The following ZMYND8 variants were observed in gnomAD, a reference collection of about 807,000 sequenced individuals.
The protein encoded by ZMYND8 is zinc finger MYND-type containing 8.
Under a neutral mutation model 140.8 loss-of-function variants are expected in ZMYND8, and 37 were observed. The ratio of observed to expected loss-of-function variants is 0.26; its 90% confidence interval spans 0.20 to 0.35. The LOEUF is 0.35. Among genes scored for constraint, ZMYND8 ranks in the 10% least tolerant of loss-of-function variants. The pLI is 1.00. For missense variants in ZMYND8, 1,068 were observed against 1,570.0 expected (o/e 0.68, Z 5.40); for synonymous variants, 592 against 597.1 (o/e 0.99, Z 0.12).
intron 21 of ZMYND8, among the ~76,000 whole-genome samples, chr20:47,219,943 A>G (rs1373496709): frequency 6.6e-6 from 1 of 152,182 alleles, no homozygotes; most frequent in Non-Finnish European, 1.5e-5. Flanking sequence ...AGAGAGAGAA[A>G]AAAAAAACTT....
chr20:47,280,511 G>A (rs933211287), intron 10 of ZMYND8, among the ~76,000 whole-genome samples: 1 of 152,164 alleles, frequency 6.6e-6, no homozygotes, highest in African/African-American at 2.4e-5. Context: ...GCTGTCTGAC[G>A]GGTGAGAGAT....
In ZMYND8 at chr20:47,276,578, C is replaced by A. The variant is rs746392190; in HGVS notation, c.1216G>T (p.Ala406Ser). The A allele has an allele frequency of 6.2e-7, 1 of 1,613,714 alleles. No individual in the cohort carries two copies. Among genetic ancestry groups the A allele is most frequent in the African/African-American group, 1.3e-5 (1 of 74,802 alleles). The change falls in exon 11 of 23, where the codon GCC becomes TCC. Residue 406 changes from alanine to serine, a missense_variant. Ala to Ser is a moderately conservative substitution (Grantham distance 99). This residue lies in a region of ZMYND8 where 49 missense variants were observed against 94.1 expected (regional missense o/e 0.52). Transcript: ENST00000471951. ...QMLLDPTNPS[A>S]GTAKIDKQEK... ...TGCTTGTCTATCTTGGCAGTGCCGG[C>A]GCTGGGGTTGGTGGGATCGAGCAGC... is the stretch of plus-strand genomic sequence containing the variant.
chr20:47,308,480 CA>C (rs769875199), intron 3 of ZMYND8, among the ~76,000 whole-genome samples: 11 of 152,122 alleles, frequency 7.2e-5, no homozygotes, highest in Non-Finnish European at 1.3e-4. Context: ...CTCGGCCTCC[CA>C]AAACGCTGGG....
At chr20:47,344,281 A>G (rs2082158298) in intron 2 of ZMYND8, among the ~76,000 whole-genome samples, 1 of 152,150 alleles carries the variant, frequency 6.6e-6, no homozygotes, top group African/African-American at 2.4e-5. Context: ...CAAGGCCAAC[A>G]GTGATAGATC....
chr20:47,314,721 C>T (rs907650790), intron 2 of ZMYND8, among the ~76,000 whole-genome samples: 1 of 152,160 alleles, frequency 6.6e-6, no homozygotes, highest in Non-Finnish European at 1.5e-5. Flanking sequence ...CGAGCCAGAG[C>T]CAATGGCCTC....
At chr20:47,256,547 G>A (rs888261912) in intron 12 of ZMYND8, among the ~76,000 whole-genome samples, 1 of 152,208 alleles carries the variant, frequency 6.6e-6, no homozygotes, top group Non-Finnish European at 1.5e-5. Context: ...GTGAACCCAG[G>A]AGGCGGAGCT....
chr20:47,287,093 G>C, intron 8 of ZMYND8, 136 bp downstream of exon 8: 1 of 682,852 alleles, frequency 1.5e-6, no homozygotes, highest in African/African-American at 1.8e-5. Context: ...TACTTTCCTT[G>C]AAGAGTAGGG....
Position 47,246,206 on chromosome 20 carries a change from A to G in ZMYND8, c.2086T>C (p.Ser696Pro). The change falls in exon 14 of 23, where the codon TCC becomes CCC. Residue 696 changes from serine (S) to proline (P), a missense_variant. By Grantham distance (74) the Ser-to-Pro change is moderately conservative. This residue lies in a region of ZMYND8 where 383 missense variants were observed against 431.2 expected (regional missense o/e 0.89). Coordinates refer to ENST00000471951, the MANE Select transcript of ZMYND8 (RefSeq NM_001281775.3). ...KASPEPEKDF[S>P]EKAKPSPHPI... ...TGAGGTGAAGGTTTTGCCTTTTCGG[A>G]AAAGTCCTTCTCAGGCTCAGGGCTG... 1.2e-6 allele frequency: 2 copies of G among 1,614,132 alleles called. No homozygotes were observed. The highest frequency in any genetic ancestry group is 1.1e-5 in the South Asian group (1 of 91,068).
chr20:47,270,175 C>T lies in ZMYND8; in HGVS notation c.1480+6139G>A, dbSNP rs577075625. On this transcript the variant is annotated intron_variant, in intron 11 of 22. Transcript: ENST00000471951. ...ACTGCTTGAGCCCAAGAGTTGAAGG[C>T]TACGGTGAGCCATGATCACACCACT... Among the ~76,000 whole-genome samples, 3 of 151,088 alleles carry T rather than the reference C, an allele frequency of 2.0e-5. No individual in the cohort carries two copies. The East Asian group carries it at 5.9e-4, about 30-fold the overall frequency.
At chr20:47,237,733 C>A (rs1156683350) in intron 15 of ZMYND8, 1 of 152,220 alleles carries the variant, frequency 6.6e-6, no homozygotes, top group Non-Finnish European at 1.5e-5. Context: ...ATGAGCCCCC[C>A]TCACAGGGGC....
chr20:47,290,123 G>T, intron 7 of ZMYND8, 64 bp downstream of exon 7: 2 of 1,466,618 alleles, frequency 1.4e-6, no homozygotes, highest in Non-Finnish European at 9.3e-7. Flanking sequence ...TTTTCATGAA[G>T]GACAGGAATT....
At chr20:47,222,388 T>C (rs943635407) in intron 19 of ZMYND8, among the ~76,000 whole-genome samples, 15 of 151,978 alleles carry the variant, frequency 9.9e-5, no homozygotes, top group Non-Finnish European at 1.8e-4. Context: ...CACAAAAAAT[T>C]AGCCAGGCGT....
At chr20:47,287,819 C>A (rs1478010817) in intron 7 of ZMYND8, among the ~76,000 whole-genome samples, 1 of 147,714 alleles carries the variant, frequency 6.8e-6, no homozygotes, top group Non-Finnish European at 1.5e-5. Flanking sequence ...TAGCGAGACC[C>A]CACCTCTAGA....
intron 2 of ZMYND8, among the ~76,000 whole-genome samples, chr20:47,315,158 T>G (rs1349791188): frequency 6.6e-6 from 1 of 151,914 alleles, no homozygotes. Context: ...CGATTTAGAG[T>G]TGGCAAGGGA....
chr20:47,318,769 A>C, intron 2 of ZMYND8: 1 of 483,520 alleles, frequency 2.1e-6, no homozygotes, highest in Non-Finnish European at 4.0e-6. Flanking sequence ...GCTTATAAAG[A>C]ATCTCTGCAA....
intron 11 of ZMYND8, among the ~76,000 whole-genome samples, chr20:47,268,516 A>G (rs2075704906): frequency 2.0e-5 from 3 of 150,932 alleles, no homozygotes. Context: ...GATGGTCTCG[A>G]TCTCCTGACC....
intron 19 of ZMYND8, 123 bp downstream of exon 19, chr20:47,224,194 G>C: frequency 3.4e-6 from 5 of 1,474,046 alleles, no homozygotes; most frequent in Non-Finnish European, 2.7e-6. Flanking sequence ...GTTTTTGAGT[G>C]AAAGTGTCCA....
At chr20:47,311,670 CAGCCTGGCCAATA>C (rs1226380801) in intron 2 of ZMYND8, among the ~76,000 whole-genome samples, 2 of 152,152 alleles carry the variant, frequency 1.3e-5, no homozygotes, top group Non-Finnish European at 2.9e-5. Context: ...AGATCAAGAC[CAGCCTGGCCAATA>C]AGGTAAAACC....
chr20:47,263,011 A>C (rs2075266733), intron 11 of ZMYND8, among the ~76,000 whole-genome samples: 1 of 152,128 alleles, frequency 6.6e-6, no homozygotes, highest in African/African-American at 2.4e-5. Flanking sequence ...TGTATTTCAA[A>C]CTTTCACAGG....
Sources: allele counts gnomAD v4.1 joint callset (sites outside exome capture counted in the v4.1 genomes callset), GRCh38; gene constraint gnomAD v4.1.1; regional missense constraint gnomAD v4.1.1; transcripts MANE v1.5; gene names NCBI Gene and HGNC (gene_info 2026-07-23, HGNC 2026-07-21).